Variants in SPOCK1 observed in about 807,000 individuals in gnomAD.
The protein encoded by SPOCK1 is testican-1.
A neutral mutation model predicts 55.3 loss-of-function variants in SPOCK1; 23 were observed. The ratio of observed to expected loss-of-function variants is 0.42; its 90% CI spans 0.30 to 0.59. The LOEUF (loss-of-function observed/expected upper bound fraction) is 0.59. Ranked by LOEUF, SPOCK1 falls within the 20% of genes least tolerant of loss-of-function variation. The pLI is 0.22. For missense variants in SPOCK1, 499 were observed against 552.5 expected (o/e 0.90, Z 0.97); for synonymous variants, 226 against 221.0 (o/e 1.02, Z -0.20).
At chr5:137,213,653 A>G (rs11242374) in intron 3 of SPOCK1, among the ~76,000 whole-genome samples, 60,550 of 152,064 alleles carry the variant, frequency 0.4, 13,170 homozygotes, top group Non-Finnish European at 0.48. Flanking sequence ...CATGCTCCAA[A>G]CTAATTCAGT....
At chr5:137,259,682 T>G (rs1756708260) in intron 3 of SPOCK1, among the ~76,000 whole-genome samples, 2 of 93,896 alleles carry the variant, frequency 2.1e-5, no homozygotes, top group African/African-American at 9.8e-5. Flanking sequence ...TAAAGACACA[T>G]GAAAGTAAAA....
intron 3 of SPOCK1, among the ~76,000 whole-genome samples, chr5:137,215,163 T>G (rs1463522116): frequency 1.3e-5 from 2 of 152,228 alleles, no homozygotes; most frequent in Non-Finnish European, 2.9e-5. Context: ...AAACTTTCTA[T>G]AGGTTTTCAC....
rs116041015 is a variant in SPOCK1 at position 137,386,935 on chromosome 5, T to G, written c.186+111438A>C. Among the ~76,000 whole-genome samples, 1,328 of 152,200 alleles carry G rather than the reference T, an allele frequency of 8.7e-3. 22 individuals carry two copies. The highest frequency in any genetic ancestry group is 0.03 in the African/African-American group (1,263 of 41,534). Reference sequence around the variant, plus strand: ...TGACAAAGCACTGTAATTCAAAATATATAAAGAACTCTTAAAACTCAACAA... The same window carrying G: ...TGACAAAGCACTGTAATTCAAAATAGATAAAGAACTCTTAAAACTCAACAA... On this transcript the variant is annotated intron_variant, in intron 2 of 10. Coordinates refer to ENST00000394945, the MANE Select transcript of SPOCK1 (RefSeq NM_004598.4).
intron 6 of SPOCK1, among the ~76,000 whole-genome samples, chr5:136,999,221 C>T (rs774840604): frequency 1.3e-5 from 2 of 152,154 alleles, no homozygotes; most frequent in Non-Finnish European, 2.9e-5. Context: ...AGGGTTACCG[C>T]AGCCTTGGTG....
At chr5:137,179,801 T>G (rs971134662) in intron 3 of SPOCK1, among the ~76,000 whole-genome samples, 44 of 152,136 alleles carry the variant, frequency 2.9e-4, no homozygotes, top group Non-Finnish European at 5.0e-4. Context: ...GGGGGATTAA[T>G]AAGACTGTCC....
chr5:137,027,807 C>T lies in SPOCK1; in HGVS notation c.590-35207G>A, dbSNP rs180784000. On this transcript the variant is annotated intron_variant, in intron 6 of 10. Transcript: ENST00000394945. The stretch of plus-strand genomic sequence containing the variant: ...ACCCCTTTTGCACCCCTCATTCTCT[C>T]TTGCACAAAAGCAGGCAGGAAGCCA... Among the ~76,000 whole-genome samples, 323 of 151,756 alleles carry T rather than the reference C, an allele frequency of 2.1e-3. 1 individual carries two copies. The highest frequency in any genetic ancestry group is 7.3e-3 in the African/African-American group (302 of 41,476).
At chr5:137,387,633 G>A (rs1357679142) in intron 2 of SPOCK1, among the ~76,000 whole-genome samples, 2 of 152,184 alleles carry the variant, frequency 1.3e-5, no homozygotes, top group Non-Finnish European at 2.9e-5. Flanking sequence ...ATACATGTCA[G>A]TATGCACATG....
intron 2 of SPOCK1, among the ~76,000 whole-genome samples, chr5:137,336,682 C>A (rs1750288115): frequency 6.6e-6 from 1 of 150,380 alleles, no homozygotes; most frequent in African/African-American, 2.4e-5. Flanking sequence ...CTCTCTGCCT[C>A]CTGATTACTG....
chr5:137,170,129 A>G (rs1754723922), intron 3 of SPOCK1, among the ~76,000 whole-genome samples: 2 of 152,252 alleles, frequency 1.3e-5, no homozygotes, highest in Admixed American at 1.3e-4. Context: ...GTGTTTGCAT[A>G]TAACCTCCAT....
chr5:137,439,751 G>A (rs1419166578), intron 2 of SPOCK1, among the ~76,000 whole-genome samples: 1 of 152,152 alleles, frequency 6.6e-6, no homozygotes, highest in Non-Finnish European at 1.5e-5. Flanking sequence ...ATCTTCGCTG[G>A]CTCCCAGTAA....
chr5:137,250,546 T>C (rs1176144055), intron 3 of SPOCK1, among the ~76,000 whole-genome samples: 1 of 152,212 alleles, frequency 6.6e-6, no homozygotes, highest in East Asian at 1.9e-4. Flanking sequence ...GAAGCCCCAC[T>C]GCACAGCCTC....
chr5:136,989,669 A>C (rs976327121), intron 7 of SPOCK1, among the ~76,000 whole-genome samples: 10 of 152,110 alleles, frequency 6.6e-5, no homozygotes, highest in African/African-American at 2.4e-4. Flanking sequence ...AGACCCCGGC[A>C]AGCTTAATCC....
intron 2 of SPOCK1, among the ~76,000 whole-genome samples, chr5:137,382,645 C>T (rs1751497753): frequency 6.6e-6 from 1 of 152,096 alleles, no homozygotes; most frequent in African/African-American, 2.4e-5. Context: ...GGGGAAGTGC[C>T]ACACACTTTT....
chr5:137,393,867 C>G (rs1751782934), intron 2 of SPOCK1, among the ~76,000 whole-genome samples: 1 of 152,062 alleles, frequency 6.6e-6, no homozygotes, highest in African/African-American at 2.4e-5. Flanking sequence ...TGCATGCATC[C>G]ACAGATCTAG....
chr5:137,440,113 T>A (rs1436922730), intron 2 of SPOCK1, among the ~76,000 whole-genome samples: 1 of 152,052 alleles, frequency 6.6e-6, no homozygotes, highest in Admixed American at 6.5e-5. Flanking sequence ...ATGATTACCA[T>A]GAATATCTTT....
intron 2 of SPOCK1, among the ~76,000 whole-genome samples, chr5:137,444,744 A>G (rs1221305517): frequency 6.6e-6 from 1 of 152,200 alleles, no homozygotes; most frequent in Non-Finnish European, 1.5e-5. Context: ...GAATATTGAC[A>G]TGAGTGTGCA....
intron 3 of SPOCK1, among the ~76,000 whole-genome samples, chr5:137,188,076 G>A (rs1345025307): frequency 2.0e-5 from 3 of 152,142 alleles, no homozygotes; most frequent in Non-Finnish European, 4.4e-5. Flanking sequence ...CCTATTAGGT[G>A]AGCATCAGCC....
intron 2 of SPOCK1, among the ~76,000 whole-genome samples, chr5:137,417,332 CTT>C (rs35711384): frequency 0.02 from 2,399 of 117,904 alleles, 18 homozygotes; most frequent in African/African-American, 0.042. Flanking sequence ...TAACCCATTT[CTT>C]TTTTTTTTTT....
intron 2 of SPOCK1, among the ~76,000 whole-genome samples, chr5:137,372,783 T>C (rs1219535793): frequency 6.6e-6 from 1 of 152,082 alleles, no homozygotes; most frequent in East Asian, 1.9e-4. Flanking sequence ...TTAATGGAGA[T>C]AAAGAAAGGA....
Sources: gnomAD v4.1 joint callset for allele counts (sites outside exome capture counted in the v4.1 genomes callset) on GRCh38, gnomAD v4.1.1 for gene constraint, MANE v1.5 for transcripts, NCBI Gene and HGNC (gene_info 2026-07-23, HGNC 2026-07-21) for gene names.